KYNU: variants seen among roughly 807,000 people sequenced by gnomAD.
KYNU encodes the protein kynureninase.
In KYNU, 54 loss-of-function variants were observed where a neutral mutation model predicts 59.2. That is an observed-to-expected ratio of 0.91 (90% CI 0.73 to 1.14). The LOEUF (loss-of-function observed/expected upper bound fraction) is 1.14. Among genes scored for constraint, KYNU ranks in the 50% most tolerant of loss-of-function variants. The pLI is 0.00. For missense variants in KYNU, 567 were observed against 554.4 expected (o/e 1.02, Z -0.23); for synonymous variants, 177 against 192.0 (o/e 0.92, Z 0.65).
intron 8 of KYNU, among the ~76,000 whole-genome samples, chr2:142,981,200 A>G (rs1425430346): frequency 6.6e-6 from 1 of 152,140 alleles, no homozygotes; most frequent in Non-Finnish European, 1.5e-5. Flanking sequence ...GATATTGTAC[A>G]TAAAGGTTTG....
chr2:142,967,983 C>G (rs967853002), intron 8 of KYNU, among the ~76,000 whole-genome samples: 3 of 152,124 alleles, frequency 2.0e-5, no homozygotes, highest in Non-Finnish European at 2.9e-5. Context: ...AAATTAACCT[C>G]TTTCATAAAA....
intron 2 of KYNU, among the ~76,000 whole-genome samples, chr2:142,900,212 G>A (rs527294510): frequency 5.3e-4 from 80 of 152,326 alleles, no homozygotes; most frequent in African/African-American, 1.8e-3. Context: ...GGCAGCGGGC[G>A]CCTCGCTGGA....
intron 8 of KYNU, among the ~76,000 whole-genome samples, chr2:142,964,267 T>C (rs1161101951): frequency 6.6e-6 from 1 of 152,096 alleles, no homozygotes; most frequent in Non-Finnish European, 1.5e-5. Context: ...TTCACATAAA[T>C]TTTGGGGGGT....
rs920814968 is a variant in KYNU at position 143,054,951 on chromosome 2, G to T, written c.*12779G>T. The T allele has an allele frequency of 6.6e-6, 1 of 152,152 alleles. No individual in the cohort carries two copies. The highest frequency in any genetic ancestry group is 2.1e-4 in the South Asian group (1 of 4,832). The allele number at this position is 152,152 out of a possible 1,614,324, so 9.4% of individuals were successfully genotyped here. A position where few individuals can be genotyped will look rare whatever the true frequency, so the allele number is the denominator to read the frequency against. On this transcript the variant is annotated 3_prime_UTR_variant, in exon 14 of 14. Transcript: ENST00000264170. Reference sequence around the variant, plus strand: ...AATTGAGGAAATTTGAATGAGAAATGTATTTTTATCTAATTTGTTAGCTGT... The same window carrying T: ...AATTGAGGAAATTTGAATGAGAAATTTATTTTTATCTAATTTGTTAGCTGT...
intron 2 of KYNU, among the ~76,000 whole-genome samples, chr2:142,900,683 C>A (rs982810206): frequency 2.6e-5 from 4 of 152,194 alleles, no homozygotes; most frequent in Admixed American, 2.6e-4. Context: ...TCCTGTCTCT[C>A]AGTCTCCCTT....
intron 4 of KYNU, among the ~76,000 whole-genome samples, chr2:142,954,516 TA>T (rs1684098918): frequency 1.3e-5 from 2 of 152,100 alleles, no homozygotes; most frequent in Non-Finnish European, 2.9e-5. Context: ...ATTGAGCTGA[TA>T]ATAGGATATA....
chr2:143,040,329 C>A (rs1247873633), intron 12 of KYNU, 99 bp from the exon 13 acceptor site: 3 of 796,790 alleles, frequency 3.8e-6, no homozygotes, highest in Non-Finnish European at 6.5e-6. Context: ...TTGGAAAGAT[C>A]AAATATGGGC....
intron 8 of KYNU, among the ~76,000 whole-genome samples, chr2:142,976,002 T>TG (rs1216347260): frequency 6.6e-6 from 1 of 152,126 alleles, no homozygotes; most frequent in Non-Finnish European, 1.5e-5. Context: ...TGCGACTAGC[T>TG]GGGGCTCGTC....
intron 1 of KYNU, among the ~76,000 whole-genome samples, chr2:142,883,765 C>T (rs1055812490): frequency 6.6e-6 from 1 of 152,210 alleles, no homozygotes; most frequent in Non-Finnish European, 1.5e-5. Flanking sequence ...CATTACTCTG[C>T]TGTTTCCTCA....
chr2:142,919,111 ATAT>A (rs1458666066), intron 3 of KYNU, among the ~76,000 whole-genome samples: 2 of 152,210 alleles, frequency 1.3e-5, no homozygotes, highest in African/African-American at 4.8e-5. Context: ...TTTTCCCCAA[ATAT>A]TTTTGATCCG....
chr2:142,932,576 G>A lies in KYNU; in HGVS notation c.373+4835G>A, dbSNP rs533666062. On this transcript the variant is annotated intron_variant, in intron 4 of 13. Transcript: ENST00000264170. ...TGACAGGAGTGTTTTTTGCAGCTAG[G>A]AAACCCCGTTTTTTCCAGGTAGACG... 4.6e-5 allele frequency among the ~76,000 whole-genome samples: 7 copies of A among 152,196 alleles called. No homozygotes were observed. In the South Asian group the frequency reaches 1.2e-3, roughly 27 times the overall value.
intron 8 of KYNU, among the ~76,000 whole-genome samples, chr2:142,983,652 C>T (rs901042677): frequency 6.6e-6 from 1 of 152,042 alleles, no homozygotes; most frequent in Non-Finnish European, 1.5e-5. Flanking sequence ...CTTTTACACT[C>T]TTAAAAACCA....
At chr2:142,915,247 C>T (rs1286002938) in intron 2 of KYNU, among the ~76,000 whole-genome samples, 1 of 152,014 alleles carries the variant, frequency 6.6e-6, no homozygotes, top group African/African-American at 2.4e-5. Flanking sequence ...TTGGAGGTCT[C>T]CAGTGGGAAG....
intron 10 of KYNU, among the ~76,000 whole-genome samples, chr2:143,006,950 A>G (rs1279944646): frequency 6.6e-6 from 1 of 151,978 alleles, no homozygotes; most frequent in Non-Finnish European, 1.5e-5. Flanking sequence ...AACCACAAAG[A>G]TGGGGAAAAA....
intron 1 of KYNU, among the ~76,000 whole-genome samples, chr2:142,882,655 G>A (rs1681343266): frequency 6.6e-6 from 1 of 152,162 alleles, no homozygotes; most frequent in South Asian, 2.1e-4. Context: ...CAAAGGACAT[G>A]AACTCATCCT....
At chr2:142,943,480 C>T (rs1425387125) in intron 4 of KYNU, among the ~76,000 whole-genome samples, 4 of 152,054 alleles carry the variant, frequency 2.6e-5, no homozygotes, top group Non-Finnish European at 4.4e-5. Flanking sequence ...AGAAGAAAAA[C>T]TGTTAATGAA....
intron 2 of KYNU, among the ~76,000 whole-genome samples, chr2:142,917,157 T>C (rs1435469759): frequency 6.6e-6 from 1 of 151,586 alleles, no homozygotes. Context: ...CTGACTTGCC[T>C]TTGGGAAAAA....
chr2:143,003,929 G>C (rs1205228402), intron 10 of KYNU, among the ~76,000 whole-genome samples: 1 of 152,154 alleles, frequency 6.6e-6, no homozygotes, highest in African/African-American at 2.4e-5. Context: ...TTTGGGCAGA[G>C]GCAGAACTAG....
intron 8 of KYNU, among the ~76,000 whole-genome samples, chr2:142,982,436 T>C (rs1368662318): frequency 6.6e-6 from 1 of 152,138 alleles, no homozygotes. Context: ...AACTTCCTAC[T>C]TGGGTACAAT....
Sources: gnomAD v4.1 joint callset for allele counts (sites outside exome capture counted in the v4.1 genomes callset) on GRCh38, gnomAD v4.1.1 for gene constraint, MANE v1.5 for transcripts, NCBI Gene and HGNC (gene_info 2026-07-23, HGNC 2026-07-21) for gene names.